Variants in SORCS3 observed in about 807,000 individuals in gnomAD.
SORCS3 encodes sortilin related VPS10 domain containing receptor 3.
Under a neutral mutation model 146.3 loss-of-function variants are expected in SORCS3, and 57 were observed. The ratio of observed to expected loss-of-function variants is 0.39; its 90% CI spans 0.31 to 0.49. SORCS3 has a LOEUF of 0.49. Ranked by LOEUF, SORCS3 falls within the 20% of genes least tolerant of loss-of-function variation. The pLI is 0.92. For missense variants in SORCS3, 1,341 were observed against 1,575.5 expected (o/e 0.85, Z 2.52); for synonymous variants, 653 against 618.5 (o/e 1.06, Z -0.83).
At chr10:104,831,578 C>G (rs146091697) in intron 1 of SORCS3, among the ~76,000 whole-genome samples, 40 of 152,278 alleles carry the variant, frequency 2.6e-4, no homozygotes, top group African/African-American at 9.6e-4. Context: ...TCATGACAGA[C>G]AGCAAGAGAA....
At chr10:105,206,665 G>A (rs1040910204) in intron 16 of SORCS3, among the ~76,000 whole-genome samples, 1 of 152,188 alleles carries the variant, frequency 6.6e-6, no homozygotes, top group Admixed American at 6.5e-5. Context: ...GATTTTCCAA[G>A]CATTTTCTGA....
chr10:105,264,640 T>C lies in SORCS3; in HGVS notation c.*1266T>C, dbSNP rs950820239. The stretch of plus-strand genomic sequence containing the variant: ...AGGCAATTTTAGCAAAGCTGTGCTA[T>C]TTGCTTGTCAGATGTACACAACTTC... On this transcript the variant is annotated 3_prime_UTR_variant, in exon 27 of 27. Transcript: ENST00000369701. 6.6e-6 allele frequency: 1 copy of C among 152,656 alleles called. No individual in the cohort carries two copies. Among genetic ancestry groups the C allele is most frequent in the African/African-American group, 2.4e-5 (1 of 41,464 alleles). 9.5% of individuals were successfully genotyped at this position (152,656 alleles called of 1,614,324 possible).
At chr10:105,204,620 A>C (rs1330504513) in intron 16 of SORCS3, among the ~76,000 whole-genome samples, 1 of 152,054 alleles carries the variant, frequency 6.6e-6, no homozygotes, top group African/African-American at 2.4e-5. Context: ...ATTAAAAAGA[A>C]TATAGAGAAC....
At chr10:104,659,477 C>T (rs2015673912) in intron 1 of SORCS3, among the ~76,000 whole-genome samples, 1 of 152,096 alleles carries the variant, frequency 6.6e-6, no homozygotes, top group African/African-American at 2.4e-5. Flanking sequence ...CAGAGAATTT[C>T]CCCCCAGAAT....
At chr10:104,691,630 T>G (rs1234877101) in intron 1 of SORCS3, among the ~76,000 whole-genome samples, 1 of 152,240 alleles carries the variant, frequency 6.6e-6, no homozygotes, top group Non-Finnish European at 1.5e-5. Context: ...GATGCTAAAA[T>G]AATAATTGGC....
chr10:104,955,780 G>A (rs1029987076), intron 3 of SORCS3, among the ~76,000 whole-genome samples: 1 of 152,194 alleles, frequency 6.6e-6, no homozygotes, highest in African/African-American at 2.4e-5. Flanking sequence ...TTCTGGCTGG[G>A]TTCATAAATG....
intron 5 of SORCS3, among the ~76,000 whole-genome samples, chr10:105,048,451 C>A (rs1203973279): frequency 1.3e-5 from 2 of 149,110 alleles, no homozygotes; most frequent in Non-Finnish European, 3.0e-5. Context: ...AACCAAACAC[C>A]GCATGTTCTC....
At chr10:105,031,226 G>T (rs2055264354) in intron 4 of SORCS3, among the ~76,000 whole-genome samples, 1 of 151,724 alleles carries the variant, frequency 6.6e-6, no homozygotes, top group Non-Finnish European at 1.5e-5. Context: ...TTGAACCCAG[G>T]AGTTGGAGGT....
At chr10:104,793,154 A>AT (rs938424313) in intron 1 of SORCS3, among the ~76,000 whole-genome samples, 3 of 151,332 alleles carry the variant, frequency 2.0e-5, no homozygotes, top group Non-Finnish European at 3.0e-5. Flanking sequence ...AGAGGTGATT[A>AT]TTTTTTTTTC....
At chr10:104,905,760 A>G (rs180908781) in intron 2 of SORCS3, among the ~76,000 whole-genome samples, 1 of 152,316 alleles carries the variant, frequency 6.6e-6, no homozygotes, top group South Asian at 2.1e-4. Flanking sequence ...GATGCTGAGC[A>G]CTGGGAAAGC....
At chr10:105,159,254 T>C (rs576610683) in intron 11 of SORCS3, among the ~76,000 whole-genome samples, 1 of 152,308 alleles carries the variant, frequency 6.6e-6, no homozygotes, top group South Asian at 2.1e-4. Flanking sequence ...AGAGTTTCTC[T>C]CAAAGTAAAC....
chr10:105,104,852 G>A (rs1015665835), intron 6 of SORCS3, among the ~76,000 whole-genome samples: 3 of 152,126 alleles, frequency 2.0e-5, no homozygotes, highest in Non-Finnish European at 2.9e-5. Context: ...CGTATCCACC[G>A]AATTCTTCTA....
intron 1 of SORCS3, among the ~76,000 whole-genome samples, chr10:104,682,553 G>A (rs2015991732): frequency 6.6e-6 from 1 of 152,120 alleles, no homozygotes; most frequent in Non-Finnish European, 1.5e-5. Flanking sequence ...CTAATTCCAG[G>A]CAGAGGGGTG....
intron 5 of SORCS3, among the ~76,000 whole-genome samples, chr10:105,064,861 A>C (rs556316901): frequency 6.6e-6 from 1 of 152,200 alleles, no homozygotes; most frequent in African/African-American, 2.4e-5. Context: ...TCACACGCCA[A>C]TCTCCTTTGG....
At chr10:104,916,009 A>T in intron 3 of SORCS3, 77 bp downstream of exon 3, 1 of 1,088,786 alleles carries the variant, frequency 9.2e-7, no homozygotes, top group Non-Finnish European at 1.4e-6. Flanking sequence ...TTAAGGAAAA[A>T]ACTCAGTTGT....
At chr10:104,731,548 T>G (rs1299894885) in intron 1 of SORCS3, among the ~76,000 whole-genome samples, 1 of 152,160 alleles carries the variant, frequency 6.6e-6, no homozygotes, top group Non-Finnish European at 1.5e-5. Flanking sequence ...GGAGGCTCAG[T>G]TTCCCTGTCA....
At position 104,641,554 on chromosome 10, in the gene SORCS3, G is replaced by A; in HGVS notation, c.227G>A (p.Arg76Gln). 2.7e-6 allele frequency: 4 copies of A among 1,469,514 alleles called. No individual in the cohort carries two copies. Among genetic ancestry groups the A allele is most frequent in the Non-Finnish European group, 3.6e-6 (4 of 1,120,610 alleles). The allele number at this position is 1,469,514 out of a possible 1,614,324, so 91.0% of individuals were successfully genotyped here. A position where few individuals can be genotyped will look rare whatever the true frequency, so the allele number is the denominator to read the frequency against. ...TGGCCGGAGGAGCTGGCGTCGGCGC[G>A]GAGAGCCGCCGTGCTGGGGCGCCGG... is the stretch of plus-strand genomic sequence containing the variant. ...SQWPEELASA[R>Q]RAAVLGRRAG... The change falls in exon 1 of 27, where the codon CGG becomes CAG. Residue 76 changes from arginine (R) to glutamine (Q), a missense_variant. Transcript: ENST00000369701. The surrounding 1 kb of genome is among the most constrained non-coding windows in gnomAD (Gnocchi z 6.4).
intron 1 of SORCS3, among the ~76,000 whole-genome samples, chr10:104,804,704 C>T (rs1364350092): frequency 5.9e-5 from 9 of 152,178 alleles, no homozygotes; most frequent in Admixed American, 3.3e-4. Context: ...ATTCAATCTT[C>T]AGAAGTCAAC....
chr10:104,732,715 G>A (rs781205521), intron 1 of SORCS3, among the ~76,000 whole-genome samples: 3 of 152,114 alleles, frequency 2.0e-5, no homozygotes, highest in Non-Finnish European at 2.9e-5. Context: ...TCTCCACTTC[G>A]CTGAAAAAAA....
Sources: gnomAD v4.1 joint callset for allele counts (sites outside exome capture counted in the v4.1 genomes callset) on GRCh38, gnomAD v4.1.1 for gene constraint, Gnocchi (gnomAD v3.1) non-coding constraint, MANE v1.5 for transcripts, NCBI Gene and HGNC (gene_info 2026-07-23, HGNC 2026-07-21) for gene names.